The following PDE4D variants were observed in gnomAD, a reference collection of about 807,000 sequenced individuals.
The protein encoded by PDE4D is 3',5'-cyclic-AMP phosphodiesterase 4D.
A neutral mutation model predicts 87.4 loss-of-function variants in PDE4D; 24 were observed. The observed-to-expected ratio is 0.27, with a 90% CI of 0.20 to 0.39. PDE4D has a LOEUF of 0.39. Among genes scored for constraint, PDE4D ranks in the 10% least tolerant of loss-of-function variants. The pLI is 1.00. For synonymous variants in PDE4D, 384 were observed against 383.2 expected (o/e 1.00, Z -0.02); for missense variants, 714 against 1,041.0 (o/e 0.69, Z 4.32).
intron 1 of PDE4D, among the ~76,000 whole-genome samples, chr5:59,246,091 C>A (rs560012848): frequency 1.3e-5 from 2 of 151,522 alleles, no homozygotes; most frequent in Non-Finnish European, 2.9e-5. Flanking sequence ...AACTACACTT[C>A]GAAAATCCTT....
At chr5:59,814,387 A>G (rs369107465) in intron 1 of PDE4D, among the ~76,000 whole-genome samples, 10 of 152,320 alleles carry the variant, frequency 6.6e-5, no homozygotes, top group African/African-American at 2.4e-4. Flanking sequence ...TATAGTATTT[A>G]ACAATGGATA....
chr5:59,878,503 G>T (rs1381255301), intron 1 of PDE4D, among the ~76,000 whole-genome samples: 1 of 152,104 alleles, frequency 6.6e-6, no homozygotes, highest in Non-Finnish European at 1.5e-5. Flanking sequence ...AATACAGGTG[G>T]GATGTTGCTA....
chr5:60,081,288 A>T (rs570718865), intron 2 of PDE4D, among the ~76,000 whole-genome samples: 10 of 149,310 alleles, frequency 6.7e-5, no homozygotes, highest in African/African-American at 2.2e-4. Context: ...TTCTTTATTA[A>T]TCTAGCTAGT....
chr5:59,191,412 A>T (rs540193142), intron 3 of PDE4D, among the ~76,000 whole-genome samples: 3 of 152,068 alleles, frequency 2.0e-5, no homozygotes, highest in African/African-American at 7.2e-5. Context: ...TCTTATAATA[A>T]TACCTAGATC....
At chr5:59,865,240 TA>T (rs1246644297) in intron 1 of PDE4D, among the ~76,000 whole-genome samples, 1 of 152,170 alleles carries the variant, frequency 6.6e-6, no homozygotes, top group Non-Finnish European at 1.5e-5. Flanking sequence ...TTCAATAGAT[TA>T]AACATAAAAG....
At chr5:60,406,347 C>T (rs1169779475) in intron 1 of PDE4D, among the ~76,000 whole-genome samples, 1 of 152,182 alleles carries the variant, frequency 6.6e-6, no homozygotes. Flanking sequence ...AATACATCTG[C>T]TATCCCAAAC....
At chr5:59,802,532 G>A (rs560881851) in intron 1 of PDE4D, among the ~76,000 whole-genome samples, 185 of 151,362 alleles carry the variant, frequency 1.2e-3, no homozygotes, top group African/African-American at 4.3e-3. Context: ...CCAAATAGCT[G>A]GGATTACAGG....
chr5:59,098,004 C>T (rs1315888282), intron 5 of PDE4D, among the ~76,000 whole-genome samples: 1 of 152,140 alleles, frequency 6.6e-6, no homozygotes, highest in Non-Finnish European at 1.5e-5. Context: ...GTGAACTTGC[C>T]ATTAACCAAA....
intron 1 of PDE4D, among the ~76,000 whole-genome samples, chr5:59,330,718 C>T (rs950246636): frequency 2.0e-5 from 3 of 152,160 alleles, no homozygotes; most frequent in African/African-American, 7.2e-5. Context: ...CTTTCTCTGA[C>T]ATTGAAATTT....
At chr5:60,376,257 C>G (rs1159572556) in intron 1 of PDE4D, among the ~76,000 whole-genome samples, 1 of 152,166 alleles carries the variant, frequency 6.6e-6, no homozygotes, top group Non-Finnish European at 1.5e-5. Context: ...AAACCCACAG[C>G]AACCCTATGA....
intron 5 of PDE4D, among the ~76,000 whole-genome samples, chr5:59,137,525 C>CTG (rs778186755): frequency 1.4e-5 from 2 of 139,600 alleles, no homozygotes; most frequent in African/African-American, 5.3e-5. Context: ...GGGAAAGTTT[C>CTG]TTTTTTTTTT....
chr5:59,739,351 C>CA (rs1245540273), intron 1 of PDE4D, among the ~76,000 whole-genome samples: 1 of 152,086 alleles, frequency 6.6e-6, no homozygotes, highest in East Asian at 1.9e-4. Flanking sequence ...ACCCAAAAGG[C>CA]AGAGGTTGCA....
chr5:60,328,694 G>A (rs1295110379), intron 1 of PDE4D, among the ~76,000 whole-genome samples: 2 of 152,188 alleles, frequency 1.3e-5, no homozygotes, highest in East Asian at 3.9e-4. Context: ...GAAATAGCTA[G>A]TACATAGGTA....
intron 1 of PDE4D, among the ~76,000 whole-genome samples, chr5:59,357,815 ACT>A (rs1244648524): frequency 6.6e-6 from 1 of 152,206 alleles, no homozygotes; most frequent in East Asian, 1.9e-4. Flanking sequence ...GGTCCTCACC[ACT>A]GAGTGGTATT....
intron 1 of PDE4D, among the ~76,000 whole-genome samples, chr5:59,295,333 G>T (rs148379482): frequency 5.5e-4 from 84 of 152,276 alleles, no homozygotes; most frequent in African/African-American, 1.8e-3. Flanking sequence ...AGGGAAACTT[G>T]AAGTCTATGG....
intron 5 of PDE4D, among the ~76,000 whole-genome samples, chr5:59,134,456 T>G (rs1049698300): frequency 1.3e-5 from 2 of 152,178 alleles, no homozygotes; most frequent in Admixed American, 6.5e-5. Flanking sequence ...CTTAATGCTA[T>G]TTTATGAGAG....
intron 3 of PDE4D, among the ~76,000 whole-genome samples, chr5:59,901,151 T>C (rs916135000): frequency 6.6e-6 from 1 of 152,194 alleles, no homozygotes; most frequent in African/African-American, 2.4e-5. Context: ...GGTCAGATAC[T>C]TGCTGTTTCA....
At chr5:59,300,111 C>CAAAAA (rs58771016) in intron 1 of PDE4D, among the ~76,000 whole-genome samples, 2 of 48,756 alleles carry the variant, frequency 4.1e-5, no homozygotes, top group East Asian at 1.3e-3. Flanking sequence ...GGGTCTGTCT[C>CAAAAA]AAAAAAAAAA....
chr5:59,519,725 T>A (rs969740959), intron 1 of PDE4D, among the ~76,000 whole-genome samples: 1 of 152,238 alleles, frequency 6.6e-6, no homozygotes, highest in African/African-American at 2.4e-5. Flanking sequence ...AACTAATTAC[T>A]GTTTTTGTAG....
Sources: allele counts gnomAD v4.1 joint callset (sites outside exome capture counted in the v4.1 genomes callset), GRCh38; gene constraint gnomAD v4.1.1; transcripts MANE v1.5; gene names NCBI Gene and HGNC (gene_info 2026-07-23, HGNC 2026-07-21).